Variants in ARHGAP15 observed in about 807,000 individuals in gnomAD.
The protein encoded by ARHGAP15 is rho GTPase-activating protein 15.
A neutral mutation model predicts 63.7 loss-of-function variants in ARHGAP15; 51 were observed. That is an observed-to-expected ratio of 0.80 (90% CI 0.64 to 1.01). The LOEUF is 1.01. ARHGAP15 is among the 50% of genes least tolerant of loss of function. The pLI is 0.00. For missense variants in ARHGAP15, 560 were observed against 564.6 expected, an observed-to-expected ratio of 0.99 and a Z score of 0.08; for synonymous variants, 191 against 193.8, an observed-to-expected ratio of 0.99 and a Z score of 0.12.
At chr2:143,354,869 TTCAAG>T (rs1685741135) in intron 6 of ARHGAP15, among the ~76,000 whole-genome samples, 1 of 152,200 alleles carries the variant, frequency 6.6e-6, no homozygotes, top group Non-Finnish European at 1.5e-5. Flanking sequence ...CCGGCAACAC[TTCAAG>T]TCAACTCATT....
intron 11 of ARHGAP15, among the ~76,000 whole-genome samples, chr2:143,609,921 A>T (rs763468934): frequency 7.2e-5 from 11 of 152,294 alleles, no homozygotes; most frequent in Non-Finnish European, 1.2e-4. Flanking sequence ...GGAAAAGTGG[A>T]TCACTCTAGG....
chr2:143,238,126 T>C (rs569771505), intron 5 of ARHGAP15: 2 of 152,234 alleles, frequency 1.3e-5, no homozygotes, highest in African/African-American at 4.8e-5. Flanking sequence ...ATTCAGGACA[T>C]AGGCACAGAC....
chr2:143,607,661 T>A (rs989878260), intron 11 of ARHGAP15: 3 of 152,178 alleles, frequency 2.0e-5, no homozygotes, highest in African/African-American at 7.2e-5. Context: ...CTTGGAATGC[T>A]GTTTTGCAGT....
intron 2 of ARHGAP15, among the ~76,000 whole-genome samples, chr2:143,187,022 T>C (rs1691475941): frequency 6.6e-6 from 1 of 152,196 alleles, no homozygotes; most frequent in Non-Finnish European, 1.5e-5. Flanking sequence ...CGAAAATGTT[T>C]CTGTGGACTT....
At chr2:143,606,837 T>C (rs1698054747) in intron 11 of ARHGAP15, 1 of 152,188 alleles carries the variant, frequency 6.6e-6, no homozygotes, top group Non-Finnish European at 1.5e-5. Flanking sequence ...TCATGTGCCA[T>C]TATTTACTCC....
chr2:143,559,889 C>T (rs1574634120), intron 11 of ARHGAP15, among the ~76,000 whole-genome samples: 1 of 152,212 alleles, frequency 6.6e-6, no homozygotes, highest in Non-Finnish European at 1.5e-5. Flanking sequence ...TTTTGCATAC[C>T]TGCCTTGTAT....
At chr2:143,341,508 G>C (rs1360701213) in intron 6 of ARHGAP15, among the ~76,000 whole-genome samples, 1 of 152,046 alleles carries the variant, frequency 6.6e-6, no homozygotes, top group Non-Finnish European at 1.5e-5. Context: ...CAATCTGTTT[G>C]TCCCAGCTTC....
intron 11 of ARHGAP15, among the ~76,000 whole-genome samples, chr2:143,573,599 A>G (rs1053048568): frequency 1.3e-5 from 2 of 152,234 alleles, no homozygotes; most frequent in Non-Finnish European, 2.9e-5. Context: ...AAGTGAATGC[A>G]CATTTAAAAG....
chr2:143,552,118 C>A (rs540298805), intron 10 of ARHGAP15, among the ~76,000 whole-genome samples: 1 of 152,158 alleles, frequency 6.6e-6, no homozygotes, highest in Non-Finnish European at 1.5e-5. Context: ...TAGCTCTGGC[C>A]TCCTAGGAAT....
intron 6 of ARHGAP15, among the ~76,000 whole-genome samples, chr2:143,301,453 AT>A (rs1217001582): frequency 6.6e-6 from 1 of 151,996 alleles, no homozygotes; most frequent in Non-Finnish European, 1.5e-5. Flanking sequence ...TCAATATGTG[AT>A]AAACTTTAGC....
chr2:143,339,434 A>T (rs1684954270), intron 6 of ARHGAP15, among the ~76,000 whole-genome samples: 1 of 152,188 alleles, frequency 6.6e-6, no homozygotes, highest in African/African-American at 2.4e-5. Context: ...ATAATGGGAT[A>T]GCAAAGATGA....
intron 11 of ARHGAP15, among the ~76,000 whole-genome samples, chr2:143,591,123 T>C (rs1697304762): frequency 6.6e-6 from 1 of 152,200 alleles, no homozygotes; most frequent in African/African-American, 2.4e-5. Flanking sequence ...ATATAGGAGC[T>C]AAAAATATAT....
chr2:143,354,340 A>G (rs1259593120), intron 6 of ARHGAP15, among the ~76,000 whole-genome samples: 1 of 152,184 alleles, frequency 6.6e-6, no homozygotes, highest in Non-Finnish European at 1.5e-5. Flanking sequence ...AAAGAAGCAC[A>G]TTGCTTGGTA....
At chr2:143,372,669 T>C (rs974182879) in intron 6 of ARHGAP15, among the ~76,000 whole-genome samples, 23 of 152,306 alleles carry the variant, frequency 1.5e-4, no homozygotes, top group African/African-American at 5.5e-4. Flanking sequence ...ATGAAAGATA[T>C]GGATACTTGC....
At chr2:143,567,097 G>C (rs778992395) in intron 11 of ARHGAP15, among the ~76,000 whole-genome samples, 1 of 151,950 alleles carries the variant, frequency 6.6e-6, no homozygotes, top group Non-Finnish European at 1.5e-5. Flanking sequence ...GGATGGTCTC[G>C]ATCTCCTGAC....
chr2:143,227,620 C>G lies in ARHGAP15; in HGVS notation c.297-961C>G, dbSNP rs140294737. 7.7e-4 allele frequency among the ~76,000 whole-genome samples: 118 copies of G among 152,294 alleles called. 1 individual carries two copies. Among genetic ancestry groups the G allele is most frequent in the African/African-American group, 2.8e-3 (115 of 41,578 alleles). On this transcript the variant is annotated intron_variant, in intron 4 of 13. Coordinates refer to ENST00000295095, the MANE Select transcript of ARHGAP15 (RefSeq NM_018460.4). ...TGAAGAAAGTCCTAGGTAAATAGCACAGCACGGTTATAAACTACGTGTATT... is the reference window on the plus strand; with the variant it reads ...TGAAGAAAGTCCTAGGTAAATAGCAGAGCACGGTTATAAACTACGTGTATT...
Position 143,470,673 on chromosome 2 carries a change from G to GTGTGTGTATATATATGTATATA in ARHGAP15, c.704-16695_704-16694insGTATATATATGTATATATGTGT, listed in dbSNP as rs1558993105. ...TGTATATATATACATGTATATATGT[G>GTGTGTGTATATATATGTATATA]TGTGTATATATATATGTATATATGT... On this transcript the variant is annotated intron_variant, in intron 8 of 13. Coordinates refer to ENST00000295095, the MANE Select transcript of ARHGAP15 (RefSeq NM_018460.4). Among the ~76,000 whole-genome samples the GTGTGTGTATATATATGTATATA allele has an allele frequency of 5.3e-3, 701 of 132,238 alleles. 16 individuals carry two copies. The highest frequency in any genetic ancestry group is 0.048 in the Admixed American group (581 of 12,114). The allele number at this position is 132,238 out of a possible 152,430, so 86.8% of individuals were successfully genotyped here.
intron 11 of ARHGAP15, among the ~76,000 whole-genome samples, chr2:143,613,770 A>G (rs1366035549): frequency 6.6e-6 from 1 of 152,196 alleles, no homozygotes; most frequent in Non-Finnish European, 1.5e-5. Context: ...GTGAATATCC[A>G]GTATTTCAAT....
intron 1 of ARHGAP15, among the ~76,000 whole-genome samples, chr2:143,143,302 C>A (rs908163551): frequency 7.9e-5 from 12 of 151,996 alleles, no homozygotes; most frequent in African/African-American, 2.7e-4. Flanking sequence ...TTCAGTTATT[C>A]ATCCTAGAAA....
Sources: allele counts gnomAD v4.1 joint callset (sites outside exome capture counted in the v4.1 genomes callset), GRCh38; gene constraint gnomAD v4.1.1; transcripts MANE v1.5; gene names NCBI Gene and HGNC (gene_info 2026-07-23, HGNC 2026-07-21).